Variants in CCDC197 observed in about 807,000 individuals in gnomAD.
The protein encoded by CCDC197 is coiled-coil domain containing 197.
CCDC197 carries 24 observed loss-of-function variants against 13.4 expected under a neutral mutation model. That is an observed-to-expected ratio of 1.80 (90% CI 1.30 to 2.53). The LOEUF (loss-of-function observed/expected upper bound fraction) is 2.53, where lower values mean the gene tolerates loss of function less well. CCDC197 is among the 30% of genes most tolerant of loss of function. The probability of loss-of-function intolerance (pLI) is 0.00; values close to 1 mark genes in which losing one functional copy is unlikely to be tolerated. For missense variants in CCDC197, 255 were observed against 148.8 expected (o/e 1.71, Z -3.71); for synonymous variants, 99 against 55.5 (o/e 1.78, Z -3.48).
chr14:94,001,602 T>C (rs767106384), intron 4 of CCDC197: 14 of 322,526 alleles, frequency 4.3e-5, no homozygotes, highest in Non-Finnish European at 6.8e-5. Context: ...GCTCAGCCAC[T>C]GACTAGCTGT....
At chr14:93,994,129 A>G (rs942510757), upstream of CCDC197, among the ~76,000 whole-genome samples, 1 of 152,244 alleles carries the variant, frequency 6.6e-6, no homozygotes, top group Non-Finnish European at 1.5e-5. Context: ...GAGAATAACT[A>G]CATCTGGAAT....
Position 94,001,197 on chromosome 14 carries a change from G to A in CCDC197, c.240G>A (p.Lys80=), listed in dbSNP as rs1416300527. The A allele has an allele frequency of 1.3e-6, 1 of 780,692 alleles. No individual in the cohort carries two copies. The highest frequency in any genetic ancestry group is 1.7e-5 in the African/African-American group (1 of 59,158). The allele number at this position is 780,692 out of a possible 1,614,324, so 48.4% of individuals were successfully genotyped here. The change falls in exon 4 of 7, where the codon AAG becomes AAA. Residue 80 remains lysine, a synonymous_variant. Coordinates refer to ENST00000636493, the MANE Select transcript of CCDC197 (RefSeq NM_001351596.2). The stretch of plus-strand genomic sequence containing the variant: ...AGGTGCTGGTGGAGGCCACGGTGAA[G>A]CACTACGGGAAGCTCTTCACAGCCA... ...PEEVLVEATV[K]HYGKLFTASQ...
chr14:93,996,222 C>T (rs1890297577), upstream of CCDC197, among the ~76,000 whole-genome samples: 1 of 152,186 alleles, frequency 6.6e-6, no homozygotes. Flanking sequence ...GAGTCTGAAC[C>T]CAAGGCCAGA....
chr14:94,001,415 A>C (rs1257563247), intron 4 of CCDC197, 92 bp downstream of exon 4: 1 of 596,254 alleles, frequency 1.7e-6, no homozygotes, highest in East Asian at 2.9e-5. Context: ...GGGAAGGCCT[A>C]GAGGGAGCAG....
In CCDC197 at chr14:94,003,107, C is replaced by A. The variant is rs1256406282; in HGVS notation, c.367-116C>A. The A allele has an allele frequency of 1.1e-5, 7 of 631,610 alleles. No homozygotes were observed. The highest frequency in any genetic ancestry group is 2.6e-5 in the Admixed American group (1 of 38,410). 39.1% of individuals were successfully genotyped at this position (631,610 alleles called of 1,614,324 possible). A position where few individuals can be genotyped will look rare whatever the true frequency, so the allele number is the denominator to read the frequency against. ...TGGTGCCTTGAATGGCCCCAGCCAC[C>A]CACAAGTATTCCTTCCTCCTATCCT... On this transcript the variant is annotated intron_variant, in intron 4 of 6. Coordinates refer to ENST00000636493, the MANE Select transcript of CCDC197 (RefSeq NM_001351596.2). The surrounding 1 kb of genome is among the most constrained non-coding windows in gnomAD (Gnocchi z 5.0).
In CCDC197 at chr14:94,008,676, G is replaced by GCT. The variant is rs1890752384; in HGVS notation, c.683_684insCT (p.Trp228CysfsTer?). 1 of 703,020 alleles carries GCT rather than the reference G, an allele frequency of 1.4e-6. No individual in the cohort carries two copies. The highest frequency in any genetic ancestry group is 2.0e-5 in the Admixed American group (1 of 50,028). 43.5% of individuals were successfully genotyped at this position (703,020 alleles called of 1,614,324 possible). On this transcript the variant is annotated frameshift_variant, in exon 7 of 7. Coordinates refer to ENST00000636493, the MANE Select transcript of CCDC197 (RefSeq NM_001351596.2). LOFTEE classifies it low-confidence loss of function (END_TRUNC). ...CTGCTCACGGAACCCAAAGTGTGCT[G>GCT]GTCATGGGACAGCTTCGGGGACCAG...
chr14:94,006,758 A>G (rs929881703), intron 6 of CCDC197, among the ~76,000 whole-genome samples: 1 of 152,104 alleles, frequency 6.6e-6, no homozygotes, highest in Non-Finnish European at 1.5e-5. Flanking sequence ...CTTGCATGTT[A>G]TCTTTTTACT....
Position 94,008,845 on chromosome 14 carries a change from C to T in CCDC197, c.*33C>T, listed in dbSNP as rs950767403. 23 of 683,078 alleles carry T rather than the reference C, an allele frequency of 3.4e-5. No homozygotes were observed. Among genetic ancestry groups the T allele is most frequent in the African/African-American group, 1.1e-4 (6 of 56,988 alleles). 42.3% of individuals were successfully genotyped at this position (683,078 alleles called of 1,614,324 possible). On this transcript the variant is annotated 3_prime_UTR_variant, in exon 7 of 7. Transcript: ENST00000636493. The stretch of plus-strand genomic sequence containing the variant: ...GCGCCTTGCAGGCCCCATGGCATCA[C>T]GACCTCTCCTTACCTGCCTGCCTCC...
chr14:93,998,294 G>A, intron 2 of CCDC197, 59 bp downstream of exon 2: 1 of 746,722 alleles, frequency 1.3e-6, no homozygotes. Flanking sequence ...AGTGGGCTAA[G>A]TGGCTGGACT....
chr14:94,002,468 C>T (rs2141371239), intron 4 of CCDC197, among the ~76,000 whole-genome samples: 1 of 152,156 alleles, frequency 6.6e-6, no homozygotes, highest in South Asian at 2.1e-4. Flanking sequence ...CTGTATCTTT[C>T]AAATTCCTAT....
At chr14:94,006,779 A>G (rs766664410) in intron 6 of CCDC197, among the ~76,000 whole-genome samples, 17 of 152,210 alleles carry the variant, frequency 1.1e-4, no homozygotes, top group Admixed American at 2.6e-4. Context: ...ATCTTGATGA[A>G]GCACAGAAGT....
intron 6 of CCDC197, 66 bp from the exon 7 acceptor site, chr14:94,008,543 G>A: frequency 1.5e-6 from 1 of 679,334 alleles, no homozygotes; most frequent in South Asian, 1.5e-5. Context: ...ATGATGCTTT[G>A]GTACCTAGAA....
upstream of CCDC197, among the ~76,000 whole-genome samples, chr14:93,993,586 G>A (rs765785326): frequency 2.0e-5 from 3 of 152,230 alleles, no homozygotes; most frequent in Admixed American, 6.5e-5. Context: ...AGGAAGGGCC[G>A]GCCTTGGCCC....
intron 6 of CCDC197, among the ~76,000 whole-genome samples, 158 bp from the exon 7 acceptor site, chr14:94,008,447 CTGTT>C (rs929664364): frequency 2.0e-5 from 3 of 152,238 alleles, no homozygotes; most frequent in Non-Finnish European, 4.4e-5. Flanking sequence ...CTCTGAGCCT[CTGTT>C]TGCTCATTTA....
At chr14:93,993,612 G>A (rs1312871340), upstream of CCDC197, among the ~76,000 whole-genome samples, 1 of 152,238 alleles carries the variant, frequency 6.6e-6, no homozygotes, top group Admixed American at 6.5e-5. Flanking sequence ...AGGGGCATTT[G>A]GGGCTGTAGA....
chr14:94,006,006 T>G (rs1890669511), intron 6 of CCDC197, among the ~76,000 whole-genome samples: 1 of 152,230 alleles, frequency 6.6e-6, no homozygotes, highest in Non-Finnish European at 1.5e-5. Context: ...TCACTTCTCT[T>G]TGGTACGTAC....
At position 94,003,662 on chromosome 14, in the gene CCDC197, C is replaced by A. The variant is rs569777829; in HGVS notation, c.498+308C>A. ...GCAAACACACGCACAGACACACAGA[C>A]ACATACACACACAAAGACACATGCA... On this transcript the variant is annotated intron_variant, in intron 5 of 6. Transcript: ENST00000636493. The surrounding 1 kb of genome is among the most constrained non-coding windows in gnomAD (Gnocchi z 5.0). 6.6e-6 allele frequency among the ~76,000 whole-genome samples: 1 copy of A among 152,156 alleles called. No individual in the cohort carries two copies. The highest frequency in any genetic ancestry group is 1.9e-4 in the East Asian group (1 of 5,166).
At position 94,008,673 on chromosome 14, in the gene CCDC197, G is replaced by T. The variant is rs1359544963; in HGVS notation, c.680G>T (p.Cys227Phe). The T allele has an allele frequency of 1.3e-5, 9 of 702,920 alleles. No individual in the cohort carries two copies. In the East Asian group the frequency reaches 2.4e-4, roughly 19 times the overall value. 43.5% of individuals were successfully genotyped at this position (702,920 alleles called of 1,614,324 possible). A position where few individuals can be genotyped will look rare whatever the true frequency, so the allele number is the denominator to read the frequency against. Residue 227 changes from cysteine to phenylalanine, a missense_variant, in exon 7 of 7, where the codon TGC becomes TTC. Transcript: ENST00000636493. ...GCACTGCTCACGGAACCCAAAGTGT[G>T]CTGGTCATGGGACAGCTTCGGGGAC... Reference protein sequence around the residue: ...LIALLTEPKVCWSWDSFGDQW... With the variant: ...LIALLTEPKVFWSWDSFGDQW...
chr14:94,000,266 C>T (rs569945760), intron 3 of CCDC197, among the ~76,000 whole-genome samples: 142 of 152,108 alleles, frequency 9.3e-4, no homozygotes, highest in South Asian at 2.1e-3. Context: ...TTTTTTACCC[C>T]TCCTATGAGC....
Sources: gnomAD v4.1 joint callset for allele counts (sites outside exome capture counted in the v4.1 genomes callset) on GRCh38, gnomAD v4.1.1 for gene constraint, Gnocchi (gnomAD v3.1) non-coding constraint, MANE v1.5 for transcripts, NCBI Gene and HGNC (gene_info 2026-07-23, HGNC 2026-07-21) for gene names.